The following CNGB3 variants were observed in gnomAD, a reference collection of about 807,000 sequenced individuals.
The protein encoded by CNGB3 is cyclic nucleotide gated channel subunit beta 3, also known as cyclic nucleotide-gated channel beta-3.
Under a neutral mutation model 92.8 loss-of-function variants are expected in CNGB3, and 86 were observed. The observed-to-expected ratio is 0.93, with a 90% CI of 0.78 to 1.11. The LOEUF is 1.11. Ranked by LOEUF, CNGB3 falls within the 50% of genes least tolerant of loss-of-function variation. The pLI is 0.00. For missense variants in CNGB3, 1,026 were observed against 956.8 expected, an observed-to-expected ratio of 1.07 and a Z score of -0.95; for synonymous variants, 333 against 332.7, an observed-to-expected ratio of 1.00 and a Z score of -0.01.
chr8:86,716,348 C>T (rs532271430), intron 3 of CNGB3, among the ~76,000 whole-genome samples: 64 of 152,302 alleles, frequency 4.2e-4, no homozygotes, highest in African/African-American at 1.5e-3. Context: ...GAGATCCAGA[C>T]ATCCAAATAC....
At chr8:86,685,917 A>G (rs943245156) in intron 3 of CNGB3, among the ~76,000 whole-genome samples, 3 of 152,124 alleles carry the variant, frequency 2.0e-5, no homozygotes, top group Non-Finnish European at 4.4e-5. Flanking sequence ...AGTATGTGCC[A>G]GAAGGTGAAT....
In CNGB3 at chr8:86,594,171, C is replaced by A. The variant is rs567579167; in HGVS notation, c.1781+9922G>T. ...CATCCAACGGGGAATGTGTCTCCAA[C>A]GATCACCCACTGGGGCTCCCCCAAC... On this transcript the variant is annotated intron_variant, in intron 15 of 17. Coordinates refer to ENST00000320005, the MANE Select transcript of CNGB3 (RefSeq NM_019098.5). The A allele has an allele frequency of 1.5e-4, 41 of 277,702 alleles. No individual in the cohort carries two copies. The Middle Eastern group carries it at 2.9e-3, about 20-fold the overall frequency. The allele number at this position is 277,702 out of a possible 1,614,324, so 17.2% of individuals were successfully genotyped here.
intron 15 of CNGB3, among the ~76,000 whole-genome samples, chr8:86,582,675 A>G (rs568153227): frequency 7.6e-4 from 116 of 152,346 alleles, no homozygotes; most frequent in Non-Finnish European, 1.4e-3. Context: ...AGTGGAGTAC[A>G]GTATTTAAAG....
chr8:86,617,876 T>C (rs4961204), intron 13 of CNGB3, among the ~76,000 whole-genome samples: 77,581 of 151,912 alleles, frequency 0.51, 21,098 homozygotes, highest in Admixed American at 0.64. Context: ...TTCGGGATGA[T>C]TCAAGCACAT....
At chr8:86,671,941 T>G (rs1823869993) in intron 3 of CNGB3, among the ~76,000 whole-genome samples, 1 of 152,248 alleles carries the variant, frequency 6.6e-6, no homozygotes, top group Non-Finnish European at 1.5e-5. Context: ...TGGACCCATT[T>G]GCTAATAGCT....
chr8:86,654,542 T>C (rs1460974256), intron 6 of CNGB3, among the ~76,000 whole-genome samples: 1 of 152,186 alleles, frequency 6.6e-6, no homozygotes, highest in African/African-American at 2.4e-5. Flanking sequence ...CGGTAATCTA[T>C]CTGAGGACAG....
At chr8:86,611,563 C>T (rs368065564) in intron 14 of CNGB3, 25 bp downstream of exon 14, 5 of 1,568,890 alleles carry the variant, frequency 3.2e-6, no homozygotes, top group Non-Finnish European at 3.5e-6. Context: ...ATTAGTTGTG[C>T]ATTTGAAAAA....
intron 3 of CNGB3, among the ~76,000 whole-genome samples, chr8:86,680,161 A>T (rs1402689488): frequency 6.6e-6 from 1 of 152,266 alleles, no homozygotes; most frequent in Non-Finnish European, 1.5e-5. Context: ...GTGAAAAATT[A>T]GATCAAGATA....
chr8:86,738,320 A>G (rs1166873246), intron 2 of CNGB3, among the ~76,000 whole-genome samples: 5 of 152,148 alleles, frequency 3.3e-5, no homozygotes, highest in Non-Finnish European at 7.3e-5. Flanking sequence ...AGGAAATTAG[A>G]TTTTGTCCTG....
intron 10 of CNGB3, among the ~76,000 whole-genome samples, chr8:86,639,321 T>G (rs184944483): frequency 6.0e-4 from 91 of 152,244 alleles, no homozygotes; most frequent in African/African-American, 1.7e-3. Flanking sequence ...GGTACTTACT[T>G]GTGTTCTCCT....
At chr8:86,595,715 G>A (rs1242323682) in intron 15 of CNGB3, among the ~76,000 whole-genome samples, 2 of 152,102 alleles carry the variant, frequency 1.3e-5, no homozygotes, top group Non-Finnish European at 2.9e-5. Context: ...AGGAATAACT[G>A]AGTTATTCTG....
chr8:86,634,079 A>G (rs1015509796), intron 10 of CNGB3, among the ~76,000 whole-genome samples: 13 of 152,196 alleles, frequency 8.5e-5, no homozygotes, highest in African/African-American at 3.1e-4. Flanking sequence ...ACAGGATGAG[A>G]AAAGAATATG....
chr8:86,580,439 A>G (rs1473311105), intron 15 of CNGB3, among the ~76,000 whole-genome samples: 1 of 152,128 alleles, frequency 6.6e-6, no homozygotes, highest in Non-Finnish European at 1.5e-5. Context: ...CTCAACATCA[A>G]ATGTGAAAGC....
intron 15 of CNGB3, among the ~76,000 whole-genome samples, chr8:86,589,094 C>A (rs1821964494): frequency 6.6e-6 from 1 of 151,822 alleles, no homozygotes; most frequent in Admixed American, 6.6e-5. Flanking sequence ...GGAATTTATC[C>A]ATTTCTTCTA....
chr8:86,626,669 G>C (rs532267811), intron 12 of CNGB3, among the ~76,000 whole-genome samples: 116 of 152,134 alleles, frequency 7.6e-4, no homozygotes, highest in Non-Finnish European at 7.5e-4. Flanking sequence ...GGCTCAGCTG[G>C]GATGGAATCT....
chr8:86,727,908 A>G (rs1402679097), intron 2 of CNGB3, among the ~76,000 whole-genome samples: 1 of 152,160 alleles, frequency 6.6e-6, no homozygotes, highest in Non-Finnish European at 1.5e-5. Flanking sequence ...CAGTCCTTTA[A>G]TATGAACATT....
intron 3 of CNGB3, chr8:86,704,355 C>G (rs1254710448): frequency 6.6e-6 from 1 of 152,260 alleles, no homozygotes; most frequent in African/African-American, 2.4e-5. Context: ...GAAGAAAATC[C>G]AGGGATAAGT....
At chr8:86,677,266 G>C (rs1486131141) in intron 3 of CNGB3, among the ~76,000 whole-genome samples, 1 of 152,220 alleles carries the variant, frequency 6.6e-6, no homozygotes, top group African/African-American at 2.4e-5. Flanking sequence ...GCAGTCTTAG[G>C]AAACTAACAG....
At chr8:86,670,483 C>A (rs1823834321) in intron 4 of CNGB3, among the ~76,000 whole-genome samples, 1 of 152,112 alleles carries the variant, frequency 6.6e-6, no homozygotes, top group Non-Finnish European at 1.5e-5. Context: ...CCAGTTTCCT[C>A]CTCTTCCATT....
Sources: gnomAD v4.1 joint callset for allele counts (sites outside exome capture counted in the v4.1 genomes callset) on GRCh38, gnomAD v4.1.1 for gene constraint, MANE v1.5 for transcripts, NCBI Gene and HGNC (gene_info 2026-07-23, HGNC 2026-07-21) for gene names.